Variants in CRB1 observed in about 807,000 individuals in gnomAD.
The protein encoded by CRB1 is protein crumbs homolog 1.
In CRB1, 83 loss-of-function variants were observed where a neutral mutation model predicts 120.0. The observed-to-expected ratio is 0.69, with a 90% CI of 0.58 to 0.83. The LOEUF is 0.83. CRB1 is among the 40% of genes least tolerant of loss of function. The pLI, the probability that CRB1 is intolerant of heterozygous loss-of-function variation, is 0.00. For missense variants in CRB1, 1,699 were observed against 1,687.6 expected (o/e 1.01, Z -0.12); for synonymous variants, 625 against 612.5 (o/e 1.02, Z -0.30).
At chr1:197,202,355 G>A in the CRB1 span, among the ~76,000 whole-genome samples, 1 of 152,122 alleles carries the variant, frequency 6.6e-6, no homozygotes, top group Non-Finnish European at 1.5e-5. Context: ...ACATGGATTT[G>A]CACAAAGATT....
chr1:197,318,029 T>C (rs1657958207), intron 1 of CRB1, among the ~76,000 whole-genome samples: 1 of 151,730 alleles, frequency 6.6e-6, no homozygotes, highest in Admixed American at 6.6e-5. Flanking sequence ...AGCTTCTGCA[T>C]AGCAAAGGGA....
chr1:197,473,853 CAA>C (rs1158991859), intron 11 of CRB1, among the ~76,000 whole-genome samples: 13 of 117,564 alleles, frequency 1.1e-4, no homozygotes, highest in Non-Finnish European at 9.6e-5. Context: ...AATAGTGGAG[CAA>C]AAAAAAAAAA....
chr1:197,414,962 C>T (rs1035640022), intron 5 of CRB1, among the ~76,000 whole-genome samples: 5 of 152,180 alleles, frequency 3.3e-5, no homozygotes, highest in East Asian at 3.9e-4. Flanking sequence ...TGCTGTTCTT[C>T]GGACTATTGA....
the CRB1 span, among the ~76,000 whole-genome samples, chr1:197,246,531 A>C: frequency 6.6e-6 from 1 of 151,978 alleles, no homozygotes; most frequent in Non-Finnish European, 1.5e-5. Context: ...TATCTTTTAG[A>C]GTCTCCTTAT....
At chr1:197,452,629 C>T (rs1224530892) in intron 11 of CRB1, among the ~76,000 whole-genome samples, 2 of 152,156 alleles carry the variant, frequency 1.3e-5, no homozygotes, top group African/African-American at 4.8e-5. Context: ...GGGCTAGTTA[C>T]CTGCCCCAGG....
At chr1:197,405,225 G>A (rs1022402025) in intron 5 of CRB1, among the ~76,000 whole-genome samples, 29 of 152,244 alleles carry the variant, frequency 1.9e-4, no homozygotes, top group African/African-American at 6.5e-4. Context: ...GCAGGCGCGC[G>A]CCGCCACGCC....
chr1:197,330,189 T>G (rs1277397290), intron 2 of CRB1, among the ~76,000 whole-genome samples: 1 of 152,168 alleles, frequency 6.6e-6, no homozygotes, highest in Non-Finnish European at 1.5e-5. Flanking sequence ...ATACAACCAG[T>G]CTTCAGAATC....
At chr1:197,377,775 G>A (rs1661725096) in intron 5 of CRB1, among the ~76,000 whole-genome samples, 2 of 152,078 alleles carry the variant, frequency 1.3e-5, no homozygotes, top group Non-Finnish European at 2.9e-5. Flanking sequence ...ACATTTTTAT[G>A]AGAAAGGCTT....
intron 1 of CRB1, among the ~76,000 whole-genome samples, chr1:197,306,291 C>T (rs911132269): frequency 1.5e-4 from 22 of 151,684 alleles, no homozygotes. Context: ...ATTGAATGGT[C>T]AAAGAAGAAA....
At chr1:197,283,396 C>T (rs777094996) in intron 1 of CRB1, among the ~76,000 whole-genome samples, 6 of 151,754 alleles carry the variant, frequency 4.0e-5, no homozygotes, top group Admixed American at 2.0e-4. Context: ...ATCCCCCTCC[C>T]GCCCTTTCCT....
intron 2 of CRB1, among the ~76,000 whole-genome samples, chr1:197,339,833 G>T (rs1659353554): frequency 6.6e-6 from 1 of 152,122 alleles, no homozygotes; most frequent in Non-Finnish European, 1.5e-5. Flanking sequence ...TTAAACATTT[G>T]CCAAAGCCAC....
intron 4 of CRB1, among the ~76,000 whole-genome samples, chr1:197,356,426 T>G (rs1660483787): frequency 6.6e-6 from 1 of 152,234 alleles, no homozygotes; most frequent in African/African-American, 2.4e-5. Flanking sequence ...ACCTTTACTT[T>G]GAGTTTTAAG....
chr1:197,462,477 T>A lies in CRB1; in HGVS notation c.4006-15187T>A, dbSNP rs759723811. 2.0e-5 allele frequency among the ~76,000 whole-genome samples: 3 copies of A among 152,226 alleles called. No homozygotes were observed. In the East Asian group the frequency reaches 5.8e-4, roughly 29 times the overall value. On this transcript the variant is annotated intron_variant, in intron 11 of 11. Coordinates refer to ENST00000367400, the MANE Select transcript of CRB1 (RefSeq NM_201253.3). ...CCCCTATGCTTCTGGAAACATTAAA[T>A]CCTCTTGGCAATGGGTGACATGTGA...
the CRB1 span, among the ~76,000 whole-genome samples, chr1:197,233,994 T>C: frequency 2.0e-5 from 3 of 152,094 alleles, no homozygotes; most frequent in Non-Finnish European, 4.4e-5. Flanking sequence ...TTACCTCCCC[T>C]CCCCCAATAC....
intron 6 of CRB1, among the ~76,000 whole-genome samples, chr1:197,425,412 T>C (rs989385777): frequency 2.0e-5 from 3 of 152,188 alleles, no homozygotes; most frequent in Non-Finnish European, 4.4e-5. Context: ...AGTTTTACTA[T>C]AGTTAAGCTA....
intron 1 of CRB1, among the ~76,000 whole-genome samples, chr1:197,295,153 T>A (rs1656448016): frequency 6.6e-6 from 1 of 152,020 alleles, no homozygotes; most frequent in Non-Finnish European, 1.5e-5. Flanking sequence ...TCTCATAAAA[T>A]CATAAACATT....
At chr1:197,358,348 A>C (rs1660594048) in intron 5 of CRB1, among the ~76,000 whole-genome samples, 1 of 152,194 alleles carries the variant, frequency 6.6e-6, no homozygotes, top group Admixed American at 6.5e-5. Flanking sequence ...TAGGGTCATA[A>C]AGGGGTGATT....
At chr1:197,228,473 A>C in the CRB1 span, among the ~76,000 whole-genome samples, 37 of 152,210 alleles carry the variant, frequency 2.4e-4, no homozygotes, top group African/African-American at 8.7e-4. Context: ...ACATAGCAAG[A>C]GTCACCTTTA....
At chr1:197,327,611 T>C (rs187293581) in intron 1 of CRB1, among the ~76,000 whole-genome samples, 282 of 152,358 alleles carry the variant, frequency 1.9e-3, no homozygotes, top group African/African-American at 6.5e-3. Flanking sequence ...AAATTTGTTT[T>C]TACTTCTCAG....
Sources: allele counts gnomAD v4.1 joint callset (sites outside exome capture counted in the v4.1 genomes callset), GRCh38; gene constraint gnomAD v4.1.1; transcripts MANE v1.5; gene names NCBI Gene and HGNC (gene_info 2026-07-23, HGNC 2026-07-21).